The following CNN1 variants were observed in gnomAD, a reference collection of about 807,000 sequenced individuals.
CNN1 encodes the protein calponin-1.
CNN1 carries 21 observed loss-of-function variants against 35.3 expected under a neutral mutation model. The ratio of observed to expected loss-of-function variants is 0.60; its 90% CI spans 0.42 to 0.86. CNN1 has a LOEUF of 0.86. Among genes scored for constraint, CNN1 ranks in the 40% least tolerant of loss-of-function variants. CNN1 has a pLI of 0.00. For missense variants in CNN1, 314 were observed against 400.8 expected, an observed-to-expected ratio of 0.78 and a Z score of 1.85; for synonymous variants, 164 against 161.8, an observed-to-expected ratio of 1.01 and a Z score of -0.10.
chr19:11,539,459 G>C, intron 1 of CNN1: 1 of 1,093,854 alleles, frequency 9.1e-7, no homozygotes, highest in Non-Finnish European at 1.1e-6. Context: ...TGCGGCAGGG[G>C]TCTCCTGACT....
rs553191719 is a variant in CNN1, at chr19:11,539,872, C to G, written c.63+882C>G. On this transcript the variant is annotated intron_variant, in intron 1 of 6. Coordinates refer to ENST00000252456, the MANE Select transcript of CNN1 (RefSeq NM_001299.6). ...CAGATCCCAGCGCCGCCCTCCTCCCCCCCAGCGCCGGCCCCAGAGCCGCGC... is the reference window on the plus strand; with the variant it reads ...CAGATCCCAGCGCCGCCCTCCTCCCGCCCAGCGCCGGCCCCAGAGCCGCGC... 1.5e-5 allele frequency: 18 copies of G among 1,163,868 alleles called. 1 individual carries two copies. The African/African-American group carries it at 1.7e-4, about 11-fold the overall frequency. The allele number at this position is 1,163,868 out of a possible 1,614,324, so 72.1% of individuals were successfully genotyped here.
At position 11,549,846 on chromosome 19, in the gene CNN1, TGGCTGG is replaced by T; in HGVS notation, c.*52_*57del. 1 of 1,558,974 alleles carries T rather than the reference TGGCTGG, an allele frequency of 6.4e-7. No individual in the cohort carries two copies. The highest frequency in any genetic ancestry group is 8.7e-7 in the Non-Finnish European group (1 of 1,148,958). On this transcript the variant is annotated 3_prime_UTR_variant, in exon 7 of 7. Coordinates refer to ENST00000252456, the MANE Select transcript of CNN1 (RefSeq NM_001299.6). This position sits in a 1 kb window ranked among gnomAD's most constrained non-coding sequence, Gnocchi z 5.2. ...CCCCAAGGGAGGCTGCTGCTGCTCT[TGGCTGG>T]ACCCAGCCAGGCCCAGCCGACCCCC...
In CNN1 at chr19:11,540,664, G is replaced by A. The variant is rs935763435; in HGVS notation, c.64-412G>A. 4.2e-5 allele frequency: 7 copies of A among 165,766 alleles called. No homozygotes were observed. The South Asian group carries it at 1.1e-3, about 25-fold the overall frequency. The allele number at this position is 165,766 out of a possible 1,614,324, so 10.3% of individuals were successfully genotyped here. A position where few individuals can be genotyped will look rare whatever the true frequency, so the allele number is the denominator to read the frequency against. ...GCCAGCACCCAGGGACACCTCCTTAGACATCCTTCTTCCCTTCCTGAGGTG... is the reference window on the plus strand; with the variant it reads ...GCCAGCACCCAGGGACACCTCCTTAAACATCCTTCTTCCCTTCCTGAGGTG... On this transcript the variant is annotated intron_variant, in intron 1 of 6. Transcript: ENST00000252456.
At chr19:11,543,621 A>G (rs1972513821) in intron 2 of CNN1, among the ~76,000 whole-genome samples, 1 of 151,382 alleles carries the variant, frequency 6.6e-6, no homozygotes, top group Admixed American at 6.6e-5. Context: ...TCTACTAAAA[A>G]AAATACAAAA....
chr19:11,545,795 T>A (rs1396497024), intron 2 of CNN1, among the ~76,000 whole-genome samples: 9 of 85,120 alleles, frequency 1.1e-4, no homozygotes, highest in Non-Finnish European at 1.3e-4. Flanking sequence ...ACCCCCTCTC[T>A]ACCAAAAAAA....
chr19:11,547,789 C>T lies in CNN1; in HGVS notation c.391-8C>T, dbSNP rs375218258. On this transcript the variant is annotated splice_region_variant and splice_polypyrimidine_tract_variant and intron_variant, in intron 4 of 6. Coordinates refer to ENST00000252456, the MANE Select transcript of CNN1 (RefSeq NM_001299.6). ...CTTGTCAGTCCCTGCTTTCCCTGCC[C>T]CACCTAGGCGAAGACGAAAGGAAAC... 1 of 1,611,906 alleles carries T rather than the reference C, an allele frequency of 6.2e-7. No individual in the cohort carries two copies. The highest frequency in any genetic ancestry group is 8.5e-7 in the Non-Finnish European group (1 of 1,178,594).
At chr19:11,539,604 C>T (rs1385895657) in intron 1 of CNN1, 2 of 805,132 alleles carry the variant, frequency 2.5e-6, no homozygotes, top group Non-Finnish European at 1.8e-6. Flanking sequence ...ACCCCCCATA[C>T]ACCAGGATGG....
chr19:11,550,091 G>A lies in CNN1; in HGVS notation c.*296G>A, dbSNP rs1342888532. Reference sequence around the variant, plus strand: ...GCTGTCCCCCCACTCCCTCACAAGTGGGTACCCCCAGGACCAGAAGCTCCC... The same window carrying A: ...GCTGTCCCCCCACTCCCTCACAAGTAGGTACCCCCAGGACCAGAAGCTCCC... On this transcript the variant is annotated 3_prime_UTR_variant, in exon 7 of 7. Coordinates refer to ENST00000252456, the MANE Select transcript of CNN1 (RefSeq NM_001299.6). 11 of 312,550 alleles carry A rather than the reference G, an allele frequency of 3.5e-5. No homozygotes were observed. Among genetic ancestry groups the A allele is most frequent in the Non-Finnish European group, 5.9e-5 (10 of 170,756 alleles). The allele number at this position is 312,550 out of a possible 1,614,324, so 19.4% of individuals were successfully genotyped here. A position where few individuals can be genotyped will look rare whatever the true frequency, so the allele number is the denominator to read the frequency against.
intron 2 of CNN1, among the ~76,000 whole-genome samples, chr19:11,544,337 A>G (rs923718234): frequency 6.6e-6 from 1 of 152,054 alleles, no homozygotes; most frequent in Non-Finnish European, 1.5e-5. Flanking sequence ...CACCAGTGCA[A>G]AGGCGTGAGG....
chr19:11,549,193 A>AAAAAAAAAAATAAAT lies in CNN1; in HGVS notation c.502-127_502-126insAAAAAAATAAATAAA. 9.4e-7 allele frequency: 1 copy of AAAAAAAAAAATAAAT among 1,065,962 alleles called. No homozygotes were observed. The highest frequency in any genetic ancestry group is 1.7e-5 in the African/African-American group (1 of 60,542). The allele number at this position is 1,065,962 out of a possible 1,614,324, so 66.0% of individuals were successfully genotyped here. ...ACAGAGCAAGACTCCGTCTCAAAAA[A>AAAAAAAAAAATAAAT]AAATAAATAAAATAAAATAAAAATT... On this transcript the variant is annotated intron_variant, in intron 5 of 6. Coordinates refer to ENST00000252456, the MANE Select transcript of CNN1 (RefSeq NM_001299.6). The surrounding 1 kb of genome is among the most constrained non-coding windows in gnomAD (Gnocchi z 5.2).
In CNN1 at chr19:11,546,656, C is replaced by T; in HGVS notation, c.186-19C>T. ...ACCCTGGGGGGACACCTTTCTTACC[C>T]CTTCCCCACTCTTCTCAGATTCATC... On this transcript the variant is annotated intron_variant, in intron 2 of 6. Transcript: ENST00000252456. 1 of 1,614,018 alleles carries T rather than the reference C, an allele frequency of 6.2e-7. No homozygotes were observed.
At chr19:11,539,302 A>G (rs1972407034) in intron 1 of CNN1, 3 of 1,142,740 alleles carry the variant, frequency 2.6e-6, no homozygotes, top group Admixed American at 9.1e-5. Context: ...TAGGGGGAAG[A>G]CTTGTTGATT....
chr19:11,547,841 A>G lies in CNN1; in HGVS notation c.435A>G (p.Ala145=). 1 of 1,614,146 alleles carries G rather than the reference A, an allele frequency of 6.2e-7. No homozygotes were observed. Among genetic ancestry groups the G allele is most frequent in the Non-Finnish European group, 8.5e-7 (1 of 1,179,996 alleles). Reference sequence around the variant, plus strand: ...AGGTGAACGTGGGAGTGAAGTACGCAGAGAAGCAGGAGCGGAAATTCGAGC... The same window carrying G: ...AGGTGAACGTGGGAGTGAAGTACGCGGAGAAGCAGGAGCGGAAATTCGAGC... The part of the protein sequence containing the change: ...GNKVNVGVKY[A]EKQERKFEPG... The change falls in exon 5 of 7, where the codon GCA becomes GCG. Residue 145 remains alanine (A), a synonymous_variant. Transcript: ENST00000252456.
intron 2 of CNN1, among the ~76,000 whole-genome samples, chr19:11,543,032 G>T (rs1055716062): frequency 1.3e-5 from 2 of 152,164 alleles, no homozygotes; most frequent in African/African-American, 4.8e-5. Flanking sequence ...GGTGTGGGGG[G>T]TGTTTACCTT....
intron 2 of CNN1, among the ~76,000 whole-genome samples, chr19:11,543,132 G>A (rs985532817): frequency 3.3e-5 from 5 of 152,166 alleles, no homozygotes; most frequent in Admixed American, 6.6e-5. Flanking sequence ...CTGCTCAGAC[G>A]TCAAACAGTG....
intron 2 of CNN1, among the ~76,000 whole-genome samples, chr19:11,545,844 T>G (rs1366331012): frequency 6.8e-6 from 1 of 147,020 alleles, no homozygotes; most frequent in Non-Finnish European, 1.5e-5. Flanking sequence ...TGCGCACCTG[T>G]GATCCCAGCT....
Position 11,549,831 on chromosome 19 carries a change from G to A in CNN1, c.*36G>A. The A allele has an allele frequency of 6.4e-7, 1 of 1,569,532 alleles. No homozygotes were observed. Among genetic ancestry groups the A allele is most frequent in the Non-Finnish European group, 8.7e-7 (1 of 1,153,054 alleles). On this transcript the variant is annotated 3_prime_UTR_variant, in exon 7 of 7. Transcript: ENST00000252456. This position sits in a 1 kb window ranked among gnomAD's most constrained non-coding sequence, Gnocchi z 5.2. The stretch of plus-strand genomic sequence containing the variant: ...CCTTCCCTGTTTTCCCCCCAAGGGA[G>A]GCTGCTGCTGCTCTTGGCTGGACCC...
chr19:11,549,184 T>G lies in CNN1; in HGVS notation c.502-139T>G. The G allele has an allele frequency of 1.1e-6, 1 of 928,320 alleles. No individual in the cohort carries two copies. The highest frequency in any genetic ancestry group is 1.5e-6 in the Non-Finnish European group (1 of 663,222). The allele number at this position is 928,320 out of a possible 1,614,324, so 57.5% of individuals were successfully genotyped here. On this transcript the variant is annotated intron_variant, in intron 5 of 6. Transcript: ENST00000252456. This position sits in a 1 kb window ranked among gnomAD's most constrained non-coding sequence, Gnocchi z 5.2. The stretch of plus-strand genomic sequence containing the variant: ...GCCTGGGCAACAGAGCAAGACTCCG[T>G]CTCAAAAAAAAATAAATAAAATAAA...
At chr19:11,539,862 C>G in intron 1 of CNN1, 1 of 1,163,254 alleles carries the variant, frequency 8.6e-7, no homozygotes, top group Admixed American at 4.0e-5. Context: ...CCCAGCGCCG[C>G]CCTCCTCCCC....
Sources: gnomAD v4.1 joint callset for allele counts (sites outside exome capture counted in the v4.1 genomes callset) on GRCh38, gnomAD v4.1.1 for gene constraint, Gnocchi (gnomAD v3.1) non-coding constraint, MANE v1.5 for transcripts, NCBI Gene and HGNC (gene_info 2026-07-23, HGNC 2026-07-21) for gene names.